The following AGBL1 variants were observed in gnomAD, a reference collection of about 807,000 sequenced individuals.
The protein encoded by AGBL1 is AGBL carboxypeptidase 1.
In AGBL1, 130 loss-of-function variants were observed where a neutral mutation model predicts 118.9. That is an observed-to-expected ratio of 1.09 (90% CI 0.95 to 1.26). The LOEUF is 1.26. AGBL1 is among the 50% of genes most tolerant of loss of function. The pLI is 0.00. For synonymous variants in AGBL1, 555 were observed against 478.9 expected, an observed-to-expected ratio of 1.16 and a Z score of -2.08; for missense variants, 1,584 against 1,298.1, an observed-to-expected ratio of 1.22 and a Z score of -3.38.
At chr15:86,893,035 G>C (rs1032690400) in intron 22 of AGBL1, among the ~76,000 whole-genome samples, 2 of 152,146 alleles carry the variant, frequency 1.3e-5, no homozygotes, top group African/African-American at 4.8e-5. Context: ...AGAATAGCAG[G>C]GTGTGGGCAA....
chr15:86,252,516 A>G (rs1567156735), intron 7 of AGBL1, among the ~76,000 whole-genome samples: 1 of 152,204 alleles, frequency 6.6e-6, no homozygotes, highest in Non-Finnish European at 1.5e-5. Context: ...GAAACTTAGA[A>G]TCCTATATGG....
At position 86,895,174 on chromosome 15, in the gene AGBL1, C is replaced by T. The variant is rs939432008; in HGVS notation, c.3159-11913C>T. Among the ~76,000 whole-genome samples, 3 of 146,892 alleles carry T rather than the reference C, an allele frequency of 2.0e-5. No homozygotes were observed. The East Asian group carries it at 5.9e-4, about 29-fold the overall frequency. ...TTTACTCTTTTCTTCTTTCTCTTTC[C>T]CCCCTCTTTTCTTTTCCCAGCCTTA... On this transcript the variant is annotated intron_variant, in intron 22 of 22. Transcript: ENST00000614907.
intron 17 of AGBL1, among the ~76,000 whole-genome samples, chr15:86,397,027 G>A (rs1435870178): frequency 6.6e-6 from 1 of 152,140 alleles, no homozygotes; most frequent in African/African-American, 2.4e-5. Flanking sequence ...GAGTCTTGCA[G>A]ACCACAGAGG....
At chr15:86,511,633 G>C (rs941611137) in intron 18 of AGBL1, among the ~76,000 whole-genome samples, 1 of 151,908 alleles carries the variant, frequency 6.6e-6, no homozygotes, top group Admixed American at 6.6e-5. Context: ...AATGCCTCTA[G>C]GGTTGTTGTG....
intron 23 of AGBL1, among the ~76,000 whole-genome samples, chr15:86,959,546 A>T (rs1037353480): frequency 7.4e-5 from 11 of 148,222 alleles, no homozygotes; most frequent in Admixed American, 2.0e-4. Context: ...CAACACACAC[A>T]AACACCCAAA....
At chr15:86,460,405 AG>A (rs2082319301) in intron 18 of AGBL1, among the ~76,000 whole-genome samples, 1 of 149,278 alleles carries the variant, frequency 6.7e-6, no homozygotes, top group Non-Finnish European at 1.5e-5. Flanking sequence ...CTGAGGCAGG[AG>A]GATTCCTTGA....
chr15:87,007,435 C>G (rs1005802884), intron 24 of AGBL1, among the ~76,000 whole-genome samples: 2 of 152,124 alleles, frequency 1.3e-5, no homozygotes, highest in African/African-American at 4.8e-5. Context: ...GTACTCTGGA[C>G]TTTGGTAGGA....
rs1596564390 is a variant in AGBL1 at position 86,863,732 on chromosome 15, ACAAAGTAATAATAG to A, written c.3159-43352_3159-43339del. Among the ~76,000 whole-genome samples, 3 of 152,336 alleles carry A rather than the reference ACAAAGTAATAATAG, an allele frequency of 2.0e-5. No individual in the cohort carries two copies. In the East Asian group the frequency reaches 5.8e-4, roughly 29 times the overall value. Reference sequence around the variant, plus strand: ...ACATTCTGTATGGATCATGGGCATAACAAAGTAATAATAGCAGAAATGTGATCATATCTGTGCAA... The same window carrying A: ...ACATTCTGTATGGATCATGGGCATAACAGAAATGTGATCATATCTGTGCAA... On this transcript the variant is annotated intron_variant, in intron 22 of 22. Coordinates refer to ENST00000614907, the MANE Select transcript of AGBL1 (RefSeq NM_001386094.1).
chr15:86,397,286 C>T (rs1424711837), intron 17 of AGBL1, 80 bp from the exon 18 acceptor site: 3 of 1,066,170 alleles, frequency 2.8e-6, no homozygotes, highest in African/African-American at 1.6e-5. Flanking sequence ...ATCAAAGAAG[C>T]AAAAAAGAAG....
chr15:86,744,655 T>C (rs2077727740), intron 22 of AGBL1, among the ~76,000 whole-genome samples: 1 of 152,078 alleles, frequency 6.6e-6, no homozygotes, highest in African/African-American at 2.4e-5. Flanking sequence ...GGAGTTAAAA[T>C]AGATCAGCTC....
intron 7 of AGBL1, among the ~76,000 whole-genome samples, chr15:86,251,348 G>C (rs2078812790): frequency 6.6e-6 from 1 of 152,130 alleles, no homozygotes; most frequent in African/African-American, 2.4e-5. Context: ...CTGAAGCAGA[G>C]CCTGTTGGAC....
intron 5 of AGBL1, among the ~76,000 whole-genome samples, chr15:86,189,484 A>G (rs920989961): frequency 6.6e-6 from 1 of 152,182 alleles, no homozygotes; most frequent in Non-Finnish European, 1.5e-5. Flanking sequence ...GGGGCCTGGT[A>G]GGAGGCATTT....
At chr15:86,888,107 C>T (rs566641980) in intron 22 of AGBL1, among the ~76,000 whole-genome samples, 28 of 152,198 alleles carry the variant, frequency 1.8e-4, no homozygotes, top group Non-Finnish European at 2.9e-4. Flanking sequence ...GGATTCTTTT[C>T]GTTTGGGCCC....
chr15:86,568,409 G>A lies in AGBL1; in HGVS notation c.2994+13872G>A, dbSNP rs202193125. ...TTATTGATTCCAGGATCTCTAGAGG[G>A]CCCTTCACAGTCTCCTAGTTTTTGC... On this transcript the variant is annotated intron_variant, in intron 21 of 22. Coordinates refer to ENST00000614907, the MANE Select transcript of AGBL1 (RefSeq NM_001386094.1). 3.3e-5 allele frequency among the ~76,000 whole-genome samples: 5 copies of A among 152,202 alleles called. No homozygotes were observed. The East Asian group carries it at 5.8e-4, about 18-fold the overall frequency.
intron 18 of AGBL1, among the ~76,000 whole-genome samples, chr15:86,403,256 C>T (rs962548294): frequency 6.6e-6 from 1 of 152,088 alleles, no homozygotes; most frequent in Non-Finnish European, 1.5e-5. Flanking sequence ...CAACACACAG[C>T]CTAACATTTT....
intron 1 of AGBL1, among the ~76,000 whole-genome samples, chr15:86,104,792 G>T (rs1265122560): frequency 1.3e-5 from 2 of 152,184 alleles, no homozygotes; most frequent in Non-Finnish European, 2.9e-5. Flanking sequence ...TAGGACTTGT[G>T]GGGGTGGTTG....
In AGBL1 at chr15:86,873,221, G is replaced by A. The variant is rs79990429; in HGVS notation, c.3159-33866G>A. Among the ~76,000 whole-genome samples the A allele has an allele frequency of 3.2e-4, 48 of 152,206 alleles. 4 individuals carry two copies. In the East Asian group the frequency reaches 9.1e-3, roughly 29 times the overall value. On this transcript the variant is annotated intron_variant, in intron 22 of 22. Coordinates refer to ENST00000614907, the MANE Select transcript of AGBL1 (RefSeq NM_001386094.1). ...TTTTGCTTTTCACTTGAAGAGCTTGGGGAAGGCAGTGTGGGAGCAAAGGCA... is the reference window on the plus strand; with the variant it reads ...TTTTGCTTTTCACTTGAAGAGCTTGAGGAAGGCAGTGTGGGAGCAAAGGCA...
chr15:86,359,328 T>C (rs550971023), intron 17 of AGBL1, among the ~76,000 whole-genome samples: 1 of 151,832 alleles, frequency 6.6e-6, no homozygotes, highest in African/African-American at 2.4e-5. Context: ...CAGTTGACTG[T>C]ACTTCCTCAG....
chr15:86,816,266 T>A (rs2078857384), intron 22 of AGBL1, among the ~76,000 whole-genome samples: 1 of 152,162 alleles, frequency 6.6e-6, no homozygotes, highest in African/African-American at 2.4e-5. Flanking sequence ...GAGCCTTCTG[T>A]CATATCAGAG....
Sources: allele counts gnomAD v4.1 joint callset (sites outside exome capture counted in the v4.1 genomes callset), GRCh38; gene constraint gnomAD v4.1.1; transcripts MANE v1.5; gene names NCBI Gene and HGNC (gene_info 2026-07-23, HGNC 2026-07-21).